RAPGEF4: variants seen among roughly 807,000 people sequenced by gnomAD.
RAPGEF4 encodes RAP guanine-nucleotide-exchange factor (GEF) 4.
In RAPGEF4, 66 loss-of-function variants were observed where a neutral mutation model predicts 147.9. That is an observed-to-expected ratio of 0.45 (90% CI 0.37 to 0.55). The LOEUF is 0.55. RAPGEF4 is among the 20% of genes least tolerant of loss of function. The pLI is 0.00. For synonymous variants in RAPGEF4, 419 were observed against 442.7 expected (o/e 0.95, Z 0.67); for missense variants, 1,071 against 1,257.3 (o/e 0.85, Z 2.24).
chr2:172,947,090 A>G (rs1208203945), intron 6 of RAPGEF4, among the ~76,000 whole-genome samples: 7 of 152,178 alleles, frequency 4.6e-5, no homozygotes, highest in South Asian at 2.1e-4. Context: ...CTGGTTGTCT[A>G]TTGACAACTG....
At chr2:173,012,716 A>G (rs1473212757) in intron 17 of RAPGEF4, among the ~76,000 whole-genome samples, 1 of 152,204 alleles carries the variant, frequency 6.6e-6, no homozygotes, top group Non-Finnish European at 1.5e-5. Flanking sequence ...CTTACACAAT[A>G]TCACATAGCT....
intron 10 of RAPGEF4, among the ~76,000 whole-genome samples, chr2:172,983,231 A>G (rs976553126): frequency 5.9e-5 from 9 of 152,234 alleles, no homozygotes; most frequent in African/African-American, 2.2e-4. Context: ...GCCAACTACC[A>G]TGTGAGTGGA....
chr2:172,967,132 G>A, intron 9 of RAPGEF4, 129 bp from the exon 10 acceptor site: 1 of 865,426 alleles, frequency 1.2e-6, no homozygotes, highest in Non-Finnish European at 1.8e-6. Context: ...GGCAGAGTGA[G>A]AAGGGCGAGG....
intron 4 of RAPGEF4, among the ~76,000 whole-genome samples, chr2:172,820,617 G>A (rs72908174): frequency 0.015 from 2,274 of 152,252 alleles, 19 homozygotes; most frequent in South Asian, 0.033. Context: ...TGTGTCTGTG[G>A]CCTCAGTAAA....
chr2:172,887,073 G>C (rs1007299225), intron 4 of RAPGEF4, among the ~76,000 whole-genome samples: 1 of 151,952 alleles, frequency 6.6e-6, no homozygotes, highest in African/African-American at 2.4e-5. Context: ...TGTAATCCCA[G>C]CTACTTGGGA....
At chr2:172,986,202 A>G (rs866451868) in intron 12 of RAPGEF4, among the ~76,000 whole-genome samples, 2 of 152,250 alleles carry the variant, frequency 1.3e-5, no homozygotes, top group Non-Finnish European at 2.9e-5. Flanking sequence ...GCAGAATCAC[A>G]GGACACAGCA....
intron 4 of RAPGEF4, among the ~76,000 whole-genome samples, chr2:172,881,807 G>A (rs1449268865): frequency 6.6e-6 from 1 of 152,156 alleles, no homozygotes; most frequent in Non-Finnish European, 1.5e-5. Flanking sequence ...GACTACTTTG[G>A]TATGCCTTAT....
intron 6 of RAPGEF4, among the ~76,000 whole-genome samples, chr2:172,938,357 C>CT (rs1686814312): frequency 6.6e-6 from 1 of 152,122 alleles, no homozygotes; most frequent in Non-Finnish European, 1.5e-5. Flanking sequence ...TCTTTGTAAC[C>CT]TCCCACTCCC....
At chr2:172,925,739 AAGAGAAAG>A (rs1168459618) in intron 6 of RAPGEF4, among the ~76,000 whole-genome samples, 69 of 148,360 alleles carry the variant, frequency 4.7e-4, no homozygotes, top group Non-Finnish European at 7.3e-4. Flanking sequence ...AGTGAGAAGA[AAGAGAAAG>A]AGAGAAAGAG....
intron 4 of RAPGEF4, among the ~76,000 whole-genome samples, chr2:172,912,044 G>T (rs1176146999): frequency 6.6e-6 from 1 of 152,126 alleles, no homozygotes; most frequent in Non-Finnish European, 1.5e-5. Flanking sequence ...TGGGATTACA[G>T]GTGTGGGCCA....
chr2:173,045,130 G>A (rs1195487124), intron 29 of RAPGEF4, among the ~76,000 whole-genome samples: 1 of 152,198 alleles, frequency 6.6e-6, no homozygotes, highest in African/African-American at 2.4e-5. Flanking sequence ...AATAACATAG[G>A]CTGAAGTTTG....
chr2:172,816,080 T>C (rs1688474859), intron 4 of RAPGEF4, among the ~76,000 whole-genome samples: 1 of 152,188 alleles, frequency 6.6e-6, no homozygotes, highest in South Asian at 2.1e-4. Context: ...GAATATCCTG[T>C]TACATACCCT....
intron 4 of RAPGEF4, among the ~76,000 whole-genome samples, chr2:172,828,001 T>A (rs1032196278): frequency 4.6e-5 from 7 of 152,182 alleles, no homozygotes; most frequent in East Asian, 3.8e-4. Flanking sequence ...CTTTTTTTTT[T>A]AATTAACCTC....
At chr2:172,742,727 C>T (rs1694411793) in intron 1 of RAPGEF4, among the ~76,000 whole-genome samples, 1 of 152,092 alleles carries the variant, frequency 6.6e-6, no homozygotes, top group African/African-American at 2.4e-5. Flanking sequence ...GGGTTAAATT[C>T]TGTTGTGCTG....
chr2:172,991,831 C>G (rs914163683), intron 15 of RAPGEF4, among the ~76,000 whole-genome samples: 2 of 152,154 alleles, frequency 1.3e-5, no homozygotes, highest in African/African-American at 4.8e-5. Flanking sequence ...GACTAAAAGT[C>G]TAAGGCCCAG....
chr2:172,917,062 C>T (rs1285637232), intron 4 of RAPGEF4, among the ~76,000 whole-genome samples: 3 of 152,154 alleles, frequency 2.0e-5, no homozygotes, highest in Non-Finnish European at 4.4e-5. Flanking sequence ...AATGTCACTC[C>T]TCTCTAGTTG....
chr2:172,988,870 C>T (rs777402095), intron 14 of RAPGEF4, 31 bp downstream of exon 14: 6 of 1,603,890 alleles, frequency 3.7e-6, no homozygotes, highest in Admixed American at 3.3e-5. Flanking sequence ...GGCTGAGAGA[C>T]AGCCCATTTT....
chr2:172,896,581 C>A (rs928022529), intron 4 of RAPGEF4, among the ~76,000 whole-genome samples: 16 of 151,400 alleles, frequency 1.1e-4, no homozygotes, highest in Admixed American at 2.6e-4. Context: ...CATCCCACCC[C>A]CCCCCAAAAA....
chr2:172,844,461 G>T (rs1271730873), intron 4 of RAPGEF4, among the ~76,000 whole-genome samples: 1 of 152,138 alleles, frequency 6.6e-6, no homozygotes, highest in East Asian at 1.9e-4. Flanking sequence ...GAGAGAAAAT[G>T]ACTTCAGGAC....
Sources: gnomAD v4.1 joint callset for allele counts (sites outside exome capture counted in the v4.1 genomes callset) on GRCh38, gnomAD v4.1.1 for gene constraint, MANE v1.5 for transcripts, NCBI Gene and HGNC (gene_info 2026-07-23, HGNC 2026-07-21) for gene names.